Variants in CCDC169 observed in about 807,000 individuals in gnomAD.
CCDC169 encodes the protein coiled-coil domain-containing protein 169.
A neutral mutation model predicts 36.0 loss-of-function variants in CCDC169; 30 were observed. The observed-to-expected ratio is 0.83, with a 90% confidence interval of 0.62 to 1.13. CCDC169 has a LOEUF of 1.13. Among genes scored for constraint, CCDC169 ranks in the 50% most tolerant of loss-of-function variants. The pLI is 0.00. For missense variants in CCDC169, 245 were observed against 245.9 expected (o/e 1.00, Z 0.03); for synonymous variants, 85 against 81.5 (o/e 1.04, Z -0.23).
At chr13:36,243,115 T>C (rs755528498) in intron 7 of CCDC169, among the ~76,000 whole-genome samples, 2 of 152,218 alleles carry the variant, frequency 1.3e-5, no homozygotes, top group Non-Finnish European at 2.9e-5. Context: ...GCTTGGTACA[T>C]GGGACTGCAG....
chr13:36,274,802 T>G (rs1876547618), intron 4 of CCDC169, among the ~76,000 whole-genome samples: 1 of 151,484 alleles, frequency 6.6e-6, no homozygotes, highest in East Asian at 1.9e-4. Context: ...TGAAATAAAG[T>G]ATACTTAGGT....
intron 4 of CCDC169, among the ~76,000 whole-genome samples, chr13:36,277,726 G>A (rs1047388875): frequency 6.6e-6 from 1 of 152,026 alleles, no homozygotes; most frequent in Non-Finnish European, 1.5e-5. Flanking sequence ...TGAGGCAGGC[G>A]GATCACCTGA....
At chr13:36,277,324 G>A (rs989938136) in intron 4 of CCDC169, among the ~76,000 whole-genome samples, 4 of 152,038 alleles carry the variant, frequency 2.6e-5, no homozygotes, top group African/African-American at 7.2e-5. Flanking sequence ...GGGGTAGGGT[G>A]GGGGAGTGGA....
At chr13:36,234,203 T>G (rs931518260) in intron 7 of CCDC169, among the ~76,000 whole-genome samples, 3 of 152,162 alleles carry the variant, frequency 2.0e-5, no homozygotes, top group African/African-American at 7.2e-5. Flanking sequence ...TTCTGAAGAC[T>G]CCCATGTATA....
chr13:36,287,229 T>A (rs1878361295), intron 2 of CCDC169, among the ~76,000 whole-genome samples: 1 of 152,308 alleles, frequency 6.6e-6, no homozygotes, highest in South Asian at 2.1e-4. Flanking sequence ...GTGCTAGGAC[T>A]CATTTATGAT....
At chr13:36,259,859 A>T (rs9593954) in intron 4 of CCDC169, among the ~76,000 whole-genome samples, 61,673 of 152,092 alleles carry the variant, frequency 0.41, 13,286 homozygotes, top group Non-Finnish European at 0.48. Context: ...CATCTTCTCC[A>T]GACTCCCACC....
chr13:36,282,393 A>G, intron 4 of CCDC169: 1 of 985,348 alleles, frequency 1.0e-6, no homozygotes, highest in Non-Finnish European at 1.2e-6. Flanking sequence ...TGGATATAGG[A>G]TTGTTGGATC....
At chr13:36,230,715 T>G, downstream of CCDC169, 1 of 960,392 alleles carries the variant, frequency 1.0e-6, no homozygotes. Flanking sequence ...TATTTAAGAT[T>G]GAAGGTTGTT....
intron 4 of CCDC169, among the ~76,000 whole-genome samples, chr13:36,265,987 T>C (rs777919716): frequency 6.6e-6 from 1 of 152,168 alleles, no homozygotes; most frequent in Non-Finnish European, 1.5e-5. Context: ...CAGTCACCTG[T>C]GTAAATGGCC....
At chr13:36,282,530 CAGAGA>C (rs1406891263) in intron 4 of CCDC169, 1 of 985,116 alleles carries the variant, frequency 1.0e-6, no homozygotes, top group Non-Finnish European at 1.2e-6. Flanking sequence ...AGCACCTGTC[CAGAGA>C]ATAGAGAGGA....
chr13:36,246,703 T>C (rs1872538061), intron 7 of CCDC169, among the ~76,000 whole-genome samples: 1 of 152,222 alleles, frequency 6.6e-6, no homozygotes, highest in Non-Finnish European at 1.5e-5. Context: ...CAGAACTAGC[T>C]AAGATCACTG....
At chr13:36,260,967 AT>A (rs1474771648) in intron 4 of CCDC169, among the ~76,000 whole-genome samples, 1 of 152,178 alleles carries the variant, frequency 6.6e-6, no homozygotes, top group Non-Finnish European at 1.5e-5. Context: ...CCTGGCCAAC[AT>A]TCACTGAGGG....
At chr13:36,227,445 G>A, downstream of CCDC169, 12 of 1,388,224 alleles carry the variant, frequency 8.6e-6, no homozygotes, top group Non-Finnish European at 1.1e-5. Context: ...TGCTAATAAA[G>A]CAGATATTCC....
chr13:36,276,107 T>G (rs1369790100), intron 4 of CCDC169, among the ~76,000 whole-genome samples: 1 of 152,234 alleles, frequency 6.6e-6, no homozygotes, highest in Non-Finnish European at 1.5e-5. Flanking sequence ...GAAGGGAATA[T>G]AGACAAACAG....
intron 6 of CCDC169, among the ~76,000 whole-genome samples, chr13:36,252,551 A>T (rs1873302770): frequency 6.6e-6 from 1 of 151,990 alleles, no homozygotes; most frequent in Non-Finnish European, 1.5e-5. Context: ...TGTCTGACCT[A>T]GCTATGTCTT....
intron 2 of CCDC169, among the ~76,000 whole-genome samples, chr13:36,287,848 A>AT (rs745375513): frequency 0.018 from 2,707 of 151,102 alleles, 40 homozygotes; most frequent in Non-Finnish European, 0.026. Context: ...ATCTTTGTGT[A>AT]TTTTTTTTTG....
At chr13:36,261,234 T>C (rs1874566991) in intron 4 of CCDC169, among the ~76,000 whole-genome samples, 1 of 152,146 alleles carries the variant, frequency 6.6e-6, no homozygotes, top group Non-Finnish European at 1.5e-5. Context: ...GTGGCTGAGA[T>C]GGCGACTTTG....
intron 7 of CCDC169, among the ~76,000 whole-genome samples, chr13:36,243,636 G>A (rs1353661351): frequency 6.6e-6 from 1 of 151,898 alleles, no homozygotes; most frequent in Non-Finnish European, 1.5e-5. Flanking sequence ...AAGAAACCCT[G>A]TCTCTACTAA....
In CCDC169 at chr13:36,230,867, T is replaced by C; in HGVS notation, c.*326A>G. 9.9e-7 allele frequency: 1 copy of C among 1,009,928 alleles called. No individual in the cohort carries two copies. Among genetic ancestry groups the C allele is most frequent in the Non-Finnish European group, 1.2e-6 (1 of 846,838 alleles). The allele number at this position is 1,009,928 out of a possible 1,614,324, so 62.6% of individuals were successfully genotyped here. A position where few individuals can be genotyped will look rare whatever the true frequency, so the allele number is the denominator to read the frequency against. On this transcript the variant is annotated 3_prime_UTR_variant, in exon 8 of 8. Coordinates refer to ENST00000239859, the MANE Select transcript of CCDC169 (RefSeq NM_001144981.3). ...ATGAATACACACTTTTTGCTAACAGTCAACTAGAAACCAAATAGAATAGCA... is the reference window on the plus strand; with the variant it reads ...ATGAATACACACTTTTTGCTAACAGCCAACTAGAAACCAAATAGAATAGCA...
Sources: gnomAD v4.1 joint callset for allele counts (sites outside exome capture counted in the v4.1 genomes callset) on GRCh38, gnomAD v4.1.1 for gene constraint, MANE v1.5 for transcripts, NCBI Gene and HGNC (gene_info 2026-07-23, HGNC 2026-07-21) for gene names.